Variants in GFPT1 observed in about 807,000 individuals in gnomAD.
GFPT1 encodes the protein glutamine--fructose-6-phosphate aminotransferase [isomerizing] 1.
In GFPT1, 40 loss-of-function variants were observed where a neutral mutation model predicts 92.0. That is an observed-to-expected ratio of 0.43 (90% CI 0.34 to 0.57). The LOEUF (loss-of-function observed/expected upper bound fraction) is 0.57, where lower values mean the gene tolerates loss of function less well. Among genes scored for constraint, GFPT1 ranks in the 20% least tolerant of loss-of-function variants. The pLI is 0.02. For synonymous variants in GFPT1, 269 were observed against 280.6 expected (o/e 0.96, Z 0.41); for missense variants, 448 against 869.1 (o/e 0.52, Z 6.09).
At chr2:69,350,829 G>C (rs2104640465) in intron 9 of GFPT1, among the ~76,000 whole-genome samples, 1 of 151,784 alleles carries the variant, frequency 6.6e-6, no homozygotes, top group African/African-American at 2.4e-5. Flanking sequence ...CTTGAACCCA[G>C]GAAGTGGAGG....
At position 69,322,748 on chromosome 2, in the gene GFPT1, T is replaced by C. The variant is rs1670445424; in HGVS notation, c.*3441A>G. ...GTAATGCTTGTTTTTCATCTTTGCA[T>C]ATTAAGGACTGTTGTTAACAGATTT... On this transcript the variant is annotated 3_prime_UTR_variant, in exon 20 of 20. Transcript: ENST00000357308. 6.6e-6 allele frequency: 1 copy of C among 152,246 alleles called. No individual in the cohort carries two copies. Among genetic ancestry groups the C allele is most frequent in the Non-Finnish European group, 1.5e-5 (1 of 68,050 alleles). The allele number at this position is 152,246 out of a possible 1,614,324, so 9.4% of individuals were successfully genotyped here. A position where few individuals can be genotyped will look rare whatever the true frequency, so the allele number is the denominator to read the frequency against.
Position 69,325,919 on chromosome 2 carries a change from C to T in GFPT1, c.*270G>A. On this transcript the variant is annotated 3_prime_UTR_variant, in exon 20 of 20. Transcript: ENST00000357308. ...GAGGGTCCAGAAATGCAACACCCAG[C>T]ATTCTTTAAAGAAAATAATAGCTAG... is the stretch of plus-strand genomic sequence containing the variant. The T allele has an allele frequency of 2.6e-6, 1 of 378,768 alleles. No individual in the cohort carries two copies. The allele number at this position is 378,768 out of a possible 1,614,324, so 23.5% of individuals were successfully genotyped here. A position where few individuals can be genotyped will look rare whatever the true frequency, so the allele number is the denominator to read the frequency against.
chr2:69,386,884 C>G (rs888383038), intron 1 of GFPT1, among the ~76,000 whole-genome samples, 181 bp downstream of exon 1: 2 of 152,318 alleles, frequency 1.3e-5, no homozygotes, highest in South Asian at 4.1e-4. Context: ...GCCGCCACCC[C>G]CTCTCCCGCC....
At chr2:69,374,617 A>G (rs1465402417) in intron 1 of GFPT1, among the ~76,000 whole-genome samples, 1 of 152,186 alleles carries the variant, frequency 6.6e-6, no homozygotes, top group Non-Finnish European at 1.5e-5. Context: ...CTGGCAAAGA[A>G]GCTTATAAAG....
At chr2:69,368,252 G>A (rs1040861351) in intron 3 of GFPT1, among the ~76,000 whole-genome samples, 6 of 151,984 alleles carry the variant, frequency 3.9e-5, no homozygotes, top group Admixed American at 2.6e-4. Flanking sequence ...GCGTTGTGGC[G>A]GGCGCCTGTG....
intron 1 of GFPT1, among the ~76,000 whole-genome samples, chr2:69,383,977 C>T (rs754661673): frequency 3.3e-5 from 5 of 152,288 alleles, no homozygotes; most frequent in East Asian, 1.9e-4. Context: ...TATAACTTCA[C>T]ATTTATAAAA....
rs115214202 is a variant in GFPT1, at chr2:69,355,680, C to T, written c.605+816G>A. 3.5e-3 allele frequency among the ~76,000 whole-genome samples: 530 copies of T among 152,188 alleles called. 2 individuals are homozygous for T. Among genetic ancestry groups the T allele is most frequent in the African/African-American group, 0.012 (512 of 41,522 alleles). ...CTTCCTTTCAATTGTGCACAGAATG[C>T]CAATATATGAAAGTGTAGCACCTTC... On this transcript the variant is annotated intron_variant, in intron 7 of 19. Transcript: ENST00000357308.
chr2:69,365,715 A>C (rs1210326407), intron 3 of GFPT1, among the ~76,000 whole-genome samples: 1 of 152,214 alleles, frequency 6.6e-6, no homozygotes. Flanking sequence ...CTGTGTTCTA[A>C]GTAATTAAGG....
rs748958210 is a variant in GFPT1, at chr2:69,352,612, C to CAAAAAAAAAAAAAAAA, written c.739+1631_739+1646dup. ...TGAGCAACAGAGCGAGACTTCGTCT[C>CAAAAAAAAAAAAAAAA]AAAAAAAAAAAAAAAAAAAAAAAAA... On this transcript the variant is annotated intron_variant, in intron 9 of 19. Transcript: ENST00000357308. Among the ~76,000 whole-genome samples, 5 of 47,384 alleles carry CAAAAAAAAAAAAAAAA rather than the reference C, an allele frequency of 1.1e-4. 1 individual carries two copies. The highest frequency in any genetic ancestry group is 3.8e-4 in the African/African-American group (5 of 13,144). The allele number at this position is 47,384 out of a possible 152,430, so 31.1% of individuals were successfully genotyped here.
rs771657265 is a variant in GFPT1 at position 69,348,173 on chromosome 2, T to C, written c.1007A>G (p.Lys336Arg). 3.1e-6 allele frequency: 5 copies of C among 1,612,826 alleles called. No homozygotes were observed. Among genetic ancestry groups the C allele is most frequent in the Middle Eastern group, 1.7e-4 (1 of 6,060 alleles). Residue 336 changes from lysine (K) to arginine (R), a missense_variant and splice_region_variant, in exon 11 of 20, where the codon AAG becomes AGG. Lys to Arg is a conservative substitution (Grantham distance 26). Transcript: ENST00000357308. ...TATAACATGACAAAAACTTTCACCC[T>C]TCATGATCTGCTGGAGTTCCATCTG... ...TLQMELQQIM[K>R]GNFSSFMQKE...
At chr2:69,351,493 T>C (rs1027837552) in intron 9 of GFPT1, among the ~76,000 whole-genome samples, 1 of 152,202 alleles carries the variant, frequency 6.6e-6, no homozygotes, top group African/African-American at 2.4e-5. Context: ...AATGCACATA[T>C]AAAGGCAGAC....
chr2:69,337,345 G>A (rs1433946831), intron 15 of GFPT1, among the ~76,000 whole-genome samples: 4 of 152,104 alleles, frequency 2.6e-5, no homozygotes, highest in African/African-American at 4.8e-5. Context: ...GATTACAGGC[G>A]TGAGCCACCA....
intron 1 of GFPT1, among the ~76,000 whole-genome samples, chr2:69,386,085 A>G (rs1253693505): frequency 1.3e-5 from 2 of 152,084 alleles, no homozygotes; most frequent in East Asian, 1.9e-4. Context: ...GTAAATTTCA[A>G]TAAGAAAGGT....
At chr2:69,327,115 G>A (rs1167668536) in intron 18 of GFPT1, 40 bp from the exon 19 acceptor site, 1 of 1,599,290 alleles carries the variant, frequency 6.3e-7, no homozygotes, top group Admixed American at 1.7e-5. Flanking sequence ...CATCACTGGT[G>A]GGCAAAGGCA....
chr2:69,342,321 T>A, intron 12 of GFPT1, 72 bp from the exon 13 acceptor site: 1 of 873,360 alleles, frequency 1.1e-6, no homozygotes, highest in Non-Finnish European at 2.0e-6. Flanking sequence ...ATTTTGTGAG[T>A]ATCCACTGCC....
intron 1 of GFPT1, among the ~76,000 whole-genome samples, chr2:69,384,399 G>A (rs1672077717): frequency 1.3e-5 from 2 of 152,040 alleles, no homozygotes; most frequent in African/African-American, 2.4e-5. Flanking sequence ...AATGCACAAC[G>A]TTGAAATAAA....
At chr2:69,375,853 G>A (rs1178888888) in intron 1 of GFPT1, among the ~76,000 whole-genome samples, 1 of 152,218 alleles carries the variant, frequency 6.6e-6, no homozygotes, top group East Asian at 1.9e-4. Flanking sequence ...TAAACAACAT[G>A]CTGCTTAAGG....
At chr2:69,348,393 A>T in intron 10 of GFPT1, 59 bp from the exon 11 acceptor site, 5 of 1,305,684 alleles carry the variant, frequency 3.8e-6, no homozygotes, top group Non-Finnish European at 5.6e-6. Flanking sequence ...TTACAAATGA[A>T]ACTATCATTT....
At position 69,348,790 on chromosome 2, in the gene GFPT1, C is replaced by A. The variant is rs1671141312; in HGVS notation, c.846-456G>T. Among the ~76,000 whole-genome samples, 2 of 152,184 alleles carry A rather than the reference C, an allele frequency of 1.3e-5. 1 individual carries two copies. Among genetic ancestry groups the A allele is most frequent in the South Asian group, 4.1e-4 (2 of 4,824 alleles). On this transcript the variant is annotated intron_variant, in intron 10 of 19. Coordinates refer to ENST00000357308, the MANE Select transcript of GFPT1 (RefSeq NM_001244710.2). ...TGCCAAAATTGATATCAAAAGGCAA[C>A]AACTCTAATAAAGATTTCTCCTTCA...
Sources: gnomAD v4.1 joint callset for allele counts (sites outside exome capture counted in the v4.1 genomes callset) on GRCh38, gnomAD v4.1.1 for gene constraint, MANE v1.5 for transcripts, NCBI Gene and HGNC (gene_info 2026-07-23, HGNC 2026-07-21) for gene names.